Variants in RALGPS1 observed in about 807,000 individuals in gnomAD.
RALGPS1 encodes Ral GEF with PH domain and SH3 binding motif 1.
RALGPS1 carries 19 observed loss-of-function variants against 78.8 expected under a neutral mutation model. The ratio of observed to expected loss-of-function variants is 0.24; its 90% CI spans 0.17 to 0.35. The LOEUF is 0.35. Among genes scored for constraint, RALGPS1 ranks in the 10% least tolerant of loss-of-function variants. The pLI is 1.00. For synonymous variants in RALGPS1, 228 were observed against 256.3 expected (o/e 0.89, Z 1.06); for missense variants, 454 against 688.3 (o/e 0.66, Z 3.81).
intron 6 of RALGPS1, among the ~76,000 whole-genome samples, chr9:127,052,526 G>T (rs935645341): frequency 6.6e-6 from 1 of 152,076 alleles, no homozygotes; most frequent in South Asian, 2.1e-4. Context: ...GGCACAGTCG[G>T]GGTTTTAGTT....
At position 127,180,899 on chromosome 9, in the gene RALGPS1, G is replaced by C. The variant is rs536115012; in HGVS notation, c.910+6117G>C. ...CCAGATGGGGCTTGAGCTACAAGCG[G>C]GGGGCGCAGAACACTTACCTGTGGC... On this transcript the variant is annotated intron_variant, in intron 11 of 18. Coordinates refer to ENST00000259351, the MANE Select transcript of RALGPS1 (RefSeq NM_014636.3). Among the ~76,000 whole-genome samples, 3 of 152,366 alleles carry C rather than the reference G, an allele frequency of 2.0e-5. No homozygotes were observed. The South Asian group carries it at 6.2e-4, about 32-fold the overall frequency.
At chr9:127,119,432 A>T (rs1245700361) in intron 8 of RALGPS1, among the ~76,000 whole-genome samples, 2 of 152,202 alleles carry the variant, frequency 1.3e-5, no homozygotes, top group African/African-American at 4.8e-5. Context: ...GTGTCTAAAC[A>T]AGGCACTGAA....
chr9:127,044,531 C>T (rs534011121), intron 5 of RALGPS1, among the ~76,000 whole-genome samples: 14 of 152,276 alleles, frequency 9.2e-5, no homozygotes, highest in South Asian at 6.2e-4. Context: ...GTTGGGATTA[C>T]AGGCATGAGT....
At chr9:127,040,690 C>G (rs2134948226) in intron 5 of RALGPS1, among the ~76,000 whole-genome samples, 1 of 152,074 alleles carries the variant, frequency 6.6e-6, no homozygotes, top group African/African-American at 2.4e-5. Context: ...GGATCTGAGG[C>G]CAGGGTCATT....
At chr9:127,108,588 G>A (rs878915732) in intron 8 of RALGPS1, 2 of 1,613,430 alleles carry the variant, frequency 1.2e-6, no homozygotes, top group East Asian at 2.2e-5. Flanking sequence ...CCTGGGACTC[G>A]CCCGCCCGCT....
chr9:127,170,260 A>C (rs757329303), intron 10 of RALGPS1, among the ~76,000 whole-genome samples: 3 of 152,160 alleles, frequency 2.0e-5, no homozygotes, highest in Non-Finnish European at 2.9e-5. Flanking sequence ...GCTTTACAGG[A>C]GTGGTCTGCA....
chr9:126,978,354 T>G (rs1013451970), intron 4 of RALGPS1: 2 of 150,948 alleles, frequency 1.3e-5, no homozygotes, highest in African/African-American at 4.9e-5. Flanking sequence ...GCATATTCAA[T>G]AAAGGGTAAA....
At chr9:127,196,231 G>T (rs2061341875) in intron 12 of RALGPS1, among the ~76,000 whole-genome samples, 1 of 152,240 alleles carries the variant, frequency 6.6e-6, no homozygotes, top group Non-Finnish European at 1.5e-5. Context: ...ATAGCCACCA[G>T]GGGGATGGGC....
In RALGPS1 at chr9:127,211,984, C is replaced by T; in HGVS notation, c.1248-147C>T. 1 of 597,812 alleles carries T rather than the reference C, an allele frequency of 1.7e-6. No individual in the cohort carries two copies. The highest frequency in any genetic ancestry group is 2.3e-5 in the South Asian group (1 of 43,478). 37.0% of individuals were successfully genotyped at this position (597,812 alleles called of 1,614,324 possible). A position where few individuals can be genotyped will look rare whatever the true frequency, so the allele number is the denominator to read the frequency against. ...TTCATGTGCGTTATCACCTGGCCCT[C>T]CCCTCCGGGCCTTGCTCTGCGCCGT... On this transcript the variant is annotated intron_variant, in intron 14 of 18. Coordinates refer to ENST00000259351, the MANE Select transcript of RALGPS1 (RefSeq NM_014636.3). The surrounding 1 kb of genome is among the most constrained non-coding windows in gnomAD (Gnocchi z 5.0).
At chr9:126,932,559 G>C (rs1036013628) in intron 1 of RALGPS1, among the ~76,000 whole-genome samples, 2 of 152,154 alleles carry the variant, frequency 1.3e-5, no homozygotes, top group African/African-American at 4.8e-5. Flanking sequence ...ATGGAATACT[G>C]TAGTCAGTTA....
chr9:127,046,620 A>G (rs1455149390), intron 5 of RALGPS1, among the ~76,000 whole-genome samples: 2 of 151,416 alleles, frequency 1.3e-5, no homozygotes, highest in Non-Finnish European at 1.5e-5. Flanking sequence ...GCTTTTATCA[A>G]TCAATAATAA....
chr9:127,195,577 G>C (rs889771318), intron 12 of RALGPS1, among the ~76,000 whole-genome samples: 1 of 152,338 alleles, frequency 6.6e-6, no homozygotes, highest in South Asian at 2.1e-4. Context: ...ACCAGTGACT[G>C]TCATCCAGGG....
intron 4 of RALGPS1, among the ~76,000 whole-genome samples, chr9:126,995,882 C>A (rs1203629559): frequency 6.6e-6 from 1 of 152,096 alleles, no homozygotes; most frequent in Admixed American, 6.5e-5. Context: ...GAAACTCACT[C>A]AAAACCACTC....
chr9:126,921,948 T>G (rs2034808268), intron 1 of RALGPS1, among the ~76,000 whole-genome samples: 1 of 152,218 alleles, frequency 6.6e-6, no homozygotes. Flanking sequence ...TATGAGTTAC[T>G]GCACAAGCAA....
intron 7 of RALGPS1, among the ~76,000 whole-genome samples, 180 bp from the exon 8 acceptor site, chr9:127,069,050 C>T (rs1200641124): frequency 5.9e-5 from 9 of 152,252 alleles, no homozygotes; most frequent in African/African-American, 1.9e-4. Context: ...CCTCTGGAGT[C>T]GAGTCCTGCC....
At chr9:127,014,697 G>T (rs1419867953) in intron 4 of RALGPS1, among the ~76,000 whole-genome samples, 5 of 152,034 alleles carry the variant, frequency 3.3e-5, no homozygotes. Flanking sequence ...GGGGGTGGGG[G>T]GTGTGGCCCT....
At chr9:127,114,818 C>T (rs561076389) in intron 8 of RALGPS1, among the ~76,000 whole-genome samples, 2 of 152,368 alleles carry the variant, frequency 1.3e-5, no homozygotes, top group Admixed American at 6.5e-5. Flanking sequence ...AGCTAGAAGC[C>T]TGAGCTGTGC....
intron 8 of RALGPS1, among the ~76,000 whole-genome samples, chr9:127,076,888 G>T (rs2050725443): frequency 6.6e-6 from 1 of 152,220 alleles, no homozygotes; most frequent in Non-Finnish European, 1.5e-5. Context: ...GAATAAGCTG[G>T]GTGAAGAGGT....
chr9:127,134,168 G>T (rs2057235520), intron 8 of RALGPS1, among the ~76,000 whole-genome samples: 1 of 152,258 alleles, frequency 6.6e-6, no homozygotes, highest in South Asian at 2.1e-4. Flanking sequence ...CACACAGGGG[G>T]GGTCTCTCCT....
Sources: allele counts gnomAD v4.1 joint callset (sites outside exome capture counted in the v4.1 genomes callset), GRCh38; gene constraint gnomAD v4.1.1; non-coding constraint Gnocchi (gnomAD v3.1); transcripts MANE v1.5; gene names NCBI Gene and HGNC (gene_info 2026-07-23, HGNC 2026-07-21).